Variants in PTPN3 observed in about 807,000 individuals in gnomAD.
PTPN3 encodes the protein tyrosine-protein phosphatase non-receptor type 3.
PTPN3 carries 96 observed loss-of-function variants against 132.7 expected under a neutral mutation model. The observed-to-expected ratio is 0.72, with a 90% CI of 0.61 to 0.86. PTPN3 has a LOEUF of 0.86. PTPN3 is among the 40% of genes least tolerant of loss of function. PTPN3 has a pLI of 0.00. For synonymous variants in PTPN3, 398 were observed against 429.0 expected, an observed-to-expected ratio of 0.93 and a Z score of 0.89; for missense variants, 1,125 against 1,159.6, an observed-to-expected ratio of 0.97 and a Z score of 0.43.
intron 4 of PTPN3, among the ~76,000 whole-genome samples, chr9:109,455,525 C>T (rs1021472533): frequency 3.3e-5 from 5 of 152,238 alleles, no homozygotes; most frequent in Admixed American, 2.6e-4. Context: ...TCATCTGCAG[C>T]GTGTGTTCAA....
intron 9 of PTPN3, among the ~76,000 whole-genome samples, 183 bp downstream of exon 9, chr9:109,436,699 TA>T (rs1385237729): frequency 2.0e-5 from 3 of 151,696 alleles, no homozygotes; most frequent in Non-Finnish European, 4.4e-5. Flanking sequence ...AAGCAAACAT[TA>T]AAAAAAAGCA....
At chr9:109,451,379 C>A in intron 5 of PTPN3, 1 of 971,520 alleles carries the variant, frequency 1.0e-6, no homozygotes, top group African/African-American at 1.8e-5. Context: ...CGGGATACCA[C>A]CCTTCTTAAG....
At chr9:109,532,920 GT>G in the PTPN3 span, 1 of 909,052 alleles carries the variant, frequency 1.1e-6, no homozygotes. Flanking sequence ...TTGCCACCTT[GT>G]GGTTTAGGGT....
intron 6 of PTPN3, among the ~76,000 whole-genome samples, chr9:109,447,040 G>A (rs975129497): frequency 2.6e-5 from 4 of 152,194 alleles, no homozygotes; most frequent in African/African-American, 9.6e-5. Flanking sequence ...ATCCACATCT[G>A]AGAAGCGTTT....
At chr9:109,480,800 G>T (rs958682934) in intron 1 of PTPN3, among the ~76,000 whole-genome samples, 1 of 152,154 alleles carries the variant, frequency 6.6e-6, no homozygotes, top group Admixed American at 6.5e-5. Flanking sequence ...ACACAAAAAG[G>T]CTGGGTCTGA....
chr9:109,501,189 T>G (rs925109603), upstream of PTPN3, among the ~76,000 whole-genome samples: 4 of 152,226 alleles, frequency 2.6e-5, no homozygotes, highest in African/African-American at 9.6e-5. Context: ...GTACGATGAA[T>G]ATTTTATATA....
At chr9:109,535,684 T>G in the PTPN3 span, among the ~76,000 whole-genome samples, 2 of 152,170 alleles carry the variant, frequency 1.3e-5, no homozygotes, top group Non-Finnish European at 2.9e-5. Flanking sequence ...TTTTTGGATT[T>G]TTACTAGAGA....
At chr9:109,465,530 T>G (rs1846056050) in intron 1 of PTPN3, among the ~76,000 whole-genome samples, 1 of 151,672 alleles carries the variant, frequency 6.6e-6, no homozygotes, top group African/African-American at 2.4e-5. Context: ...GCCAACATGG[T>G]GAAATTTCAT....
chr9:109,385,616 G>A (rs1564373885), intron 22 of PTPN3, among the ~76,000 whole-genome samples: 1 of 152,194 alleles, frequency 6.6e-6, no homozygotes. Flanking sequence ...CCTTAGCCAG[G>A]CTGGTAATAC....
chr9:109,440,151 C>G (rs1340558912), intron 7 of PTPN3, among the ~76,000 whole-genome samples: 1 of 152,168 alleles, frequency 6.6e-6, no homozygotes, highest in Non-Finnish European at 1.5e-5. Flanking sequence ...CTGATCTGTA[C>G]AGAGGCTGAT....
chr9:109,387,254 T>A (rs1839666362), intron 22 of PTPN3, among the ~76,000 whole-genome samples: 1 of 152,332 alleles, frequency 6.6e-6, no homozygotes, highest in South Asian at 2.1e-4. Flanking sequence ...TAGATCCATT[T>A]GCTGAACCAA....
At chr9:109,379,673 G>A (rs766419873) in intron 25 of PTPN3, 40 bp from the exon 26 acceptor site, 51 of 1,531,114 alleles carry the variant, frequency 3.3e-5, no homozygotes, top group Admixed American at 6.7e-5. Flanking sequence ...TGTAGCTCCA[G>A]GAAATGCTGC....
intron 16 of PTPN3, among the ~76,000 whole-genome samples, chr9:109,408,804 T>A (rs1423810934): frequency 0.025 from 3,430 of 139,666 alleles, 124 homozygotes; most frequent in Non-Finnish European, 0.041. Context: ...AAAATATATA[T>A]ATATATATAT....
chr9:109,432,173 T>A (rs1174754744), intron 10 of PTPN3, among the ~76,000 whole-genome samples: 1 of 151,794 alleles, frequency 6.6e-6, no homozygotes, highest in Non-Finnish European at 1.5e-5. Context: ...TTTCCTGTTA[T>A]AAATAATGCT....
At chr9:109,437,326 A>G (rs148904171) in intron 8 of PTPN3, among the ~76,000 whole-genome samples, 1 of 152,296 alleles carries the variant, frequency 6.6e-6, no homozygotes, top group East Asian at 1.9e-4. Context: ...TTCTTTTGGC[A>G]GTGGCCTCAA....
intron 19 of PTPN3, among the ~76,000 whole-genome samples, chr9:109,391,876 G>GGGC (rs1554777633): frequency 1.9e-5 from 2 of 102,802 alleles, no homozygotes; most frequent in Middle Eastern, 5.1e-3. Flanking sequence ...GATGTGGGGG[G>GGGC]GGGGGGGAAG....
At chr9:109,528,421 A>G in the PTPN3 span, among the ~76,000 whole-genome samples, 3 of 152,348 alleles carry the variant, frequency 2.0e-5, no homozygotes, top group Non-Finnish European at 4.4e-5. Context: ...AACTACTGCT[A>G]TGCGCAATGA....
chr9:109,504,275 C>T, the PTPN3 span, among the ~76,000 whole-genome samples: 2 of 152,160 alleles, frequency 1.3e-5, no homozygotes, highest in Admixed American at 1.3e-4. Flanking sequence ...AGGTATCAGG[C>T]ACCAGACCCG....
At chr9:109,514,343 A>G in the PTPN3 span, among the ~76,000 whole-genome samples, 6 of 152,158 alleles carry the variant, frequency 3.9e-5, no homozygotes, top group East Asian at 1.2e-3. Context: ...TGGCCTACAT[A>G]CTGGTTGAAG....
Sources: allele counts gnomAD v4.1 joint callset (sites outside exome capture counted in the v4.1 genomes callset), GRCh38; gene constraint gnomAD v4.1.1; transcripts MANE v1.5; gene names NCBI Gene and HGNC (gene_info 2026-07-23, HGNC 2026-07-21).